MYOM3: variants seen among roughly 807,000 people sequenced by gnomAD.
MYOM3 encodes the protein myomesin 3, also known as myomesin-3.
Under a neutral mutation model 191.7 loss-of-function variants are expected in MYOM3, and 155 were observed. That is an observed-to-expected ratio of 0.81 (90% CI 0.71 to 0.92). The LOEUF (loss-of-function observed/expected upper bound fraction) is 0.92. MYOM3 is among the 40% of genes least tolerant of loss of function. The pLI is 0.00. For synonymous variants in MYOM3, 757 were observed against 762.9 expected, an observed-to-expected ratio of 0.99 and a Z score of 0.13; for missense variants, 1,889 against 1,890.6, an observed-to-expected ratio of 1.00 and a Z score of 0.02.
intron 3 of MYOM3, 151 bp from the exon 4 acceptor site, chr1:24,107,383 A>G: frequency 1.5e-6 from 1 of 658,496 alleles, no homozygotes; most frequent in South Asian, 2.0e-5. Context: ...CCTCCAAAAC[A>G]GCCTGGAAGG....
intron 7 of MYOM3, among the ~76,000 whole-genome samples, chr1:24,096,159 G>A (rs1190775216): frequency 3.9e-5 from 6 of 152,202 alleles, no homozygotes; most frequent in African/African-American, 1.4e-4. Context: ...CTGGTCCCTG[G>A]AAAGGCCCTT....
rs1347276665 is a variant in MYOM3, at chr1:24,107,137, A to C, written c.338T>G (p.Ile113Ser). ...CAGCCGGTGGGTCTGCAGGAAGGCG[A>C]TCTCAGTCCTCTCCCAGTCATTGCC... ...GFGNDWERTE[I>S]AFLQTHRLLR... is the part of the protein sequence containing the mutation. Residue 113 changes from isoleucine (I) to serine (S), a missense_variant, in exon 4 of 37, where the codon ATC becomes AGC. Transcript: ENST00000374434. 9.3e-6 allele frequency: 15 copies of C among 1,612,440 alleles called. No homozygotes were observed. The highest frequency in any genetic ancestry group is 1.3e-5 in the Non-Finnish European group (15 of 1,179,524).
chr1:24,110,342 G>A lies in MYOM3; in HGVS notation c.-18-1688C>T, dbSNP rs925122113. Among the ~76,000 whole-genome samples, 61 of 25,276 alleles carry A rather than the reference G, an allele frequency of 2.4e-3. No homozygotes were observed. The South Asian group carries it at 0.045, about 19-fold the overall frequency. 16.6% of individuals were successfully genotyped at this position (25,276 alleles called of 152,430 possible). A position where few individuals can be genotyped will look rare whatever the true frequency, so the allele number is the denominator to read the frequency against. ...AGGGTCCTGCTGGAGGTGGCAGCGT[G>A]TGTGTGTGTGGGCGTGCATGTGTGT... On this transcript the variant is annotated intron_variant, in intron 1 of 36. Transcript: ENST00000374434.
intron 5 of MYOM3, 151 bp from the exon 6 acceptor site, chr1:24,099,926 A>G: frequency 1.6e-6 from 1 of 625,462 alleles, no homozygotes; most frequent in Non-Finnish European, 2.9e-6. Context: ...GGAGCGCAGT[A>G]GTACAATCTC....
intron 5 of MYOM3, among the ~76,000 whole-genome samples, chr1:24,103,549 A>G (rs893721527): frequency 2.0e-5 from 3 of 152,212 alleles, no homozygotes; most frequent in Admixed American, 1.3e-4. Flanking sequence ...AAGAAAACCC[A>G]ATTTCCCTTG....
chr1:24,062,988 C>T, intron 32 of MYOM3, 138 bp downstream of exon 32: 1 of 630,158 alleles, frequency 1.6e-6, no homozygotes, highest in Non-Finnish European at 2.9e-6. Flanking sequence ...TCTCTGCTAA[C>T]CCCTGGGACC....
chr1:24,095,939 A>G (rs1463480544), intron 7 of MYOM3, among the ~76,000 whole-genome samples: 1 of 152,206 alleles, frequency 6.6e-6, no homozygotes, highest in Non-Finnish European at 1.5e-5. Flanking sequence ...ACAGACCACC[A>G]GAGAATAGTA....
chr1:24,109,449 C>G (rs1232259099), intron 1 of MYOM3, among the ~76,000 whole-genome samples: 1 of 152,220 alleles, frequency 6.6e-6, no homozygotes, highest in Non-Finnish European at 1.5e-5. Flanking sequence ...AGAAAGACTA[C>G]AGGCCACCTA....
intron 9 of MYOM3, among the ~76,000 whole-genome samples, 166 bp from the exon 10 acceptor site, chr1:24,093,274 G>A (rs1021649890): frequency 2.0e-5 from 3 of 152,194 alleles, no homozygotes; most frequent in Non-Finnish European, 4.4e-5. Context: ...CTTTGCCAAG[G>A]CAGGCAGTGG....
intron 15 of MYOM3, among the ~76,000 whole-genome samples, chr1:24,085,522 C>A (rs750830237): frequency 6.6e-6 from 1 of 152,196 alleles, no homozygotes; most frequent in Non-Finnish European, 1.5e-5. Flanking sequence ...ACGTTGGACT[C>A]ATCCAAGCTT....
intron 18 of MYOM3, 128 bp downstream of exon 18, chr1:24,081,873 T>G: frequency 1.1e-6 from 1 of 929,002 alleles, no homozygotes; most frequent in Admixed American, 2.7e-5. Context: ...TGGAAAATGA[T>G]CTCGATGGCT....
chr1:24,082,084 C>A lies in MYOM3; in HGVS notation c.2197G>T (p.Gly733Cys), dbSNP rs1035837969. 1.9e-6 allele frequency: 3 copies of A among 1,612,744 alleles called. No individual in the cohort carries two copies. The part of the protein sequence containing the change: ...PKRRGGGKIL[G>C]YFLDQHDSEE... ...GAGTCATGCTGGTCCAGGAAGTAGC[C>A]CAGGATCTTGCCACCTCCACGACGC... is the stretch of plus-strand genomic sequence containing the variant. Residue 733 changes from glycine to cysteine, a missense_variant, in exon 18 of 37, where the codon GGC becomes TGC. Coordinates refer to ENST00000374434, the MANE Select transcript of MYOM3 (RefSeq NM_152372.4).
Position 24,063,217 on chromosome 1 carries a change from G to A in MYOM3, c.3679C>T (p.Leu1227=), listed in dbSNP as rs752104588. The A allele has an allele frequency of 2.5e-6, 4 of 1,613,920 alleles. No individual in the cohort carries two copies. The highest frequency in any genetic ancestry group is 3.4e-6 in the Non-Finnish European group (4 of 1,179,822). Residue 1227 remains leucine (L), a synonymous_variant, in exon 32 of 37, where the codon CTG becomes TTG. Transcript: ENST00000374434. The surrounding 1 kb of genome is among the most constrained non-coding windows in gnomAD (Gnocchi z 4.5). ...GRIGALSATP[L]KIQGTEEGIR... ...CCTTCCTCGGTCCCCTGGATTTTCAGTGGAGTTGCAGAGAGGGCTGGGGAG... is the reference window on the plus strand; with the variant it reads ...CCTTCCTCGGTCCCCTGGATTTTCAATGGAGTTGCAGAGAGGGCTGGGGAG...
At position 24,085,307 on chromosome 1, in the gene MYOM3, T is replaced by TGGAC. The variant is rs1371788659; in HGVS notation, c.1799-669_1799-668insGTCC. On this transcript the variant is annotated intron_variant, in intron 15 of 36. Transcript: ENST00000374434. ...ATGGATGGATGGATGGATGGATGGA[T>TGGAC]GGATGGATGGATGGACAGGTGGATA... is the stretch of plus-strand genomic sequence containing the variant. Among the ~76,000 whole-genome samples, 13 of 151,326 alleles carry TGGAC rather than the reference T, an allele frequency of 8.6e-5. No homozygotes were observed. The East Asian group carries it at 2.5e-3, about 29-fold the overall frequency.
At chr1:24,084,297 G>A (rs569557124) in intron 16 of MYOM3, 171 bp downstream of exon 16, 5 of 659,984 alleles carry the variant, frequency 7.6e-6, no homozygotes, top group Non-Finnish European at 1.3e-5. Flanking sequence ...CTTCCCCCTC[G>A]CCTTCCGCCA....
chr1:24,091,100 T>C (rs1318412400), intron 11 of MYOM3, 104 bp from the exon 12 acceptor site: 1 of 1,292,914 alleles, frequency 7.7e-7, no homozygotes, highest in Admixed American at 2.3e-5. Context: ...CCTGCCCAGC[T>C]CATCTCTGCC....
intron 25 of MYOM3, among the ~76,000 whole-genome samples, chr1:24,069,898 C>A (rs57155147): frequency 1.3e-5 from 2 of 152,088 alleles, no homozygotes; most frequent in Non-Finnish European, 2.9e-5. Context: ...GGCATGGGCA[C>A]CCCGCCCAGC....
At chr1:24,102,412 G>A (rs1643943956) in intron 5 of MYOM3, among the ~76,000 whole-genome samples, 1 of 152,138 alleles carries the variant, frequency 6.6e-6, no homozygotes, top group Non-Finnish European at 1.5e-5. Flanking sequence ...AAAAGCAGCT[G>A]CTGTGGCTCT....
At chr1:24,059,681 T>C (rs11249062) in intron 35 of MYOM3, among the ~76,000 whole-genome samples, 39,207 of 152,130 alleles carry the variant, frequency 0.26, 5,335 homozygotes, top group South Asian at 0.45. Flanking sequence ...CAGAACCTTT[T>C]GCTTTTGTCT....
Sources: allele counts gnomAD v4.1 joint callset (sites outside exome capture counted in the v4.1 genomes callset), GRCh38; gene constraint gnomAD v4.1.1; non-coding constraint Gnocchi (gnomAD v3.1); transcripts MANE v1.5; gene names NCBI Gene and HGNC (gene_info 2026-07-23, HGNC 2026-07-21).